NHS: variants seen among roughly 807,000 people sequenced by gnomAD.
NHS encodes the protein NHS actin remodeling regulator.
A neutral mutation model predicts 72.5 loss-of-function variants in NHS; 5 were observed. The observed-to-expected ratio is 0.07, with a 90% CI of 0.04 to 0.14. The LOEUF (loss-of-function observed/expected upper bound fraction) is 0.14, where lower values mean the gene tolerates loss of function less well. Among genes scored for constraint, NHS ranks in the 10% least tolerant of loss-of-function variants. The pLI, the probability that NHS is intolerant of heterozygous loss-of-function variation, is 1.00. For synonymous variants in NHS, 464 were observed against 547.7 expected, an observed-to-expected ratio of 0.85 and a Z score of 2.13; for missense variants, 1,072 against 1,355.7, an observed-to-expected ratio of 0.79 and a Z score of 3.29.
intron 1 of NHS, among the ~76,000 whole-genome samples, chrX:17,393,725 G>A (rs1758653219): frequency 9.0e-6 from 1 of 111,398 alleles, no homozygotes; most frequent in African/African-American, 3.3e-5. Context: ...GGAAAATCTA[G>A]GCAAGGCAGA....
In NHS at chrX:17,390,493, C is replaced by T. The variant is rs537036770; in HGVS notation, c.565+14171C>T. On this transcript the variant is annotated intron_variant, in intron 1 of 8. Transcript: ENST00000676302. The stretch of plus-strand genomic sequence containing the variant: ...TCATGAAGTGCAGCAGGAATAAATA[C>T]CACAGAAATCCTTTTCCATGTGAGA... Among the ~76,000 whole-genome samples, 82 of 106,159 alleles carry T rather than the reference C, an allele frequency of 7.7e-4. 1 individual carries two copies. In the South Asian group the frequency reaches 0.037, roughly 47 times the overall value. The allele number at this position is 106,159 out of a possible 115,157, so 92.2% of individuals were successfully genotyped here.
chrX:17,378,640 G>A (rs2064358753), intron 1 of NHS, among the ~76,000 whole-genome samples: 1 of 112,168 alleles, frequency 8.9e-6, no homozygotes, highest in African/African-American at 3.2e-5. Context: ...AGTGAGACAG[G>A]AAAGGGAGGA....
rs767581572 is a variant in NHS at position 17,467,831 on chromosome X, T to C, written c.565+91509T>C. The stretch of plus-strand genomic sequence containing the variant: ...GTAGGTGAAACTGGGATAAAACATT[T>C]TTTAAAAGACATTATATAATTGATA... On this transcript the variant is annotated intron_variant, in intron 1 of 8. Coordinates refer to ENST00000676302, the MANE Select transcript of NHS (RefSeq NM_001291867.2). Among the ~76,000 whole-genome samples the C allele has an allele frequency of 8.9e-5, 10 of 111,847 alleles. No homozygotes were observed. The South Asian group carries it at 3.8e-3, about 42-fold the overall frequency.
chrX:17,494,076 CTTTT>C (rs749475125), intron 1 of NHS, among the ~76,000 whole-genome samples: 4 of 73,321 alleles, frequency 5.5e-5, no homozygotes, highest in Non-Finnish European at 7.6e-5. Context: ...TCCTGGATGA[CTTTT>C]TTTTTTTTTT....
chrX:17,417,091 T>C (rs761724539), intron 1 of NHS, among the ~76,000 whole-genome samples: 2 of 97,996 alleles, frequency 2.0e-5, no homozygotes, highest in Admixed American at 2.2e-4. Context: ...GAAAACAGAA[T>C]ACACACACAC....
intron 1 of NHS, among the ~76,000 whole-genome samples, chrX:17,449,435 A>G (rs1305619037): frequency 8.9e-6 from 1 of 112,299 alleles, no homozygotes; most frequent in Non-Finnish European, 1.9e-5. Context: ...AAACCAAGCA[A>G]AGTCCTCCTC....
rs201078044 is a variant in NHS, at chrX:17,380,378, C to CTT, written c.565+4070_565+4071dup. On this transcript the variant is annotated intron_variant, in intron 1 of 8. Coordinates refer to ENST00000676302, the MANE Select transcript of NHS (RefSeq NM_001291867.2). ...GAGAGGAAATAGCAACTACAGAGAG[C>CTT]TTTTTTTTTTTTTTTCACTCTATCA... Among the ~76,000 whole-genome samples the CTT allele has an allele frequency of 2.7e-3, 256 of 94,515 alleles. 3 individuals carry two copies. The highest frequency in any genetic ancestry group is 9.2e-3 in the African/African-American group (237 of 25,626). The allele number at this position is 94,515 out of a possible 115,157, so 82.1% of individuals were successfully genotyped here.
At chrX:17,632,619 G>A (rs1027505027) in intron 1 of NHS, among the ~76,000 whole-genome samples, 1 of 109,745 alleles carries the variant, frequency 9.1e-6, no homozygotes, top group East Asian at 2.9e-4. Flanking sequence ...AAAAAAAAAC[G>A]AAGACCCCGG....
intron 1 of NHS, among the ~76,000 whole-genome samples, chrX:17,587,559 C>A (rs2065581848): frequency 8.9e-6 from 1 of 112,209 alleles, no homozygotes; most frequent in Non-Finnish European, 1.9e-5. Flanking sequence ...GCTAATTACG[C>A]AATTGTGCGA....
At chrX:17,560,815 G>C (rs2065408498) in intron 1 of NHS, among the ~76,000 whole-genome samples, 1 of 112,370 alleles carries the variant, frequency 8.9e-6, no homozygotes, top group African/African-American at 3.2e-5. Flanking sequence ...AGTTTAAGTT[G>C]TTCCTCAACA....
At chrX:17,652,078 C>G (rs191085660) in intron 1 of NHS, among the ~76,000 whole-genome samples, 153 of 112,491 alleles carry the variant, frequency 1.4e-3, no homozygotes, top group African/African-American at 4.6e-3. Flanking sequence ...TGCTTTTGAG[C>G]TACAACAGCA....
intron 1 of NHS, among the ~76,000 whole-genome samples, chrX:17,583,095 C>T (rs754228424): frequency 1.8e-5 from 2 of 112,060 alleles, no homozygotes; most frequent in African/African-American, 6.5e-5. Context: ...AACATTCCAC[C>T]AGGCTGTTTC....
chrX:17,544,602 C>G (rs1774350782), intron 1 of NHS, among the ~76,000 whole-genome samples: 1 of 111,949 alleles, frequency 8.9e-6, no homozygotes, highest in Non-Finnish European at 1.9e-5. Flanking sequence ...ACCTCTGCCT[C>G]CCGGGTTCAA....
At chrX:17,566,867 A>G (rs1289017404) in intron 1 of NHS, among the ~76,000 whole-genome samples, 6 of 111,077 alleles carry the variant, frequency 5.4e-5, no homozygotes, top group African/African-American at 2.0e-4. Context: ...CATTCAGGGC[A>G]GGCTTCTGTC....
At chrX:17,564,742 A>C (rs1317627894) in intron 1 of NHS, among the ~76,000 whole-genome samples, 2 of 112,039 alleles carry the variant, frequency 1.8e-5, no homozygotes, top group African/African-American at 6.5e-5. Flanking sequence ...GCAATTTCAT[A>C]GATTTAATGG....
chrX:17,429,241 T>TGTGTGC (rs1555987949), intron 1 of NHS, among the ~76,000 whole-genome samples: 6 of 107,770 alleles, frequency 5.6e-5, no homozygotes, highest in Non-Finnish European at 9.4e-5. Flanking sequence ...TGTGTGTGTG[T>TGTGTGC]GTGTGTGTGT....
In NHS at chrX:17,375,938, G is replaced by A. The variant is rs1366527238; in HGVS notation, c.181G>A (p.Val61Ile). Residue 61 changes from valine (V) to isoleucine (I), a missense_variant, in exon 1 of 9, where the codon GTC becomes ATC. By Grantham distance (29) the Val-to-Ile change is conservative. Transcript: ENST00000676302. ...AGGGCCAGAGGAGCCAGCCCGCGCC[G>A]TCCCTGCACCTTCAGGGCTGCCACC... is the stretch of plus-strand genomic sequence containing the variant. ...APGPEEPARA[V>I]PAPSGLPPPP... The A allele has an allele frequency of 2.8e-6, 3 of 1,083,079 alleles. No individual in the cohort carries two copies. Among genetic ancestry groups the A allele is most frequent in the Non-Finnish European group, 3.6e-6 (3 of 838,725 alleles). The allele number at this position is 1,083,079 out of a possible 1,213,427, so 89.3% of individuals were successfully genotyped here.
chrX:17,718,717 GGA>G (rs2066383152), intron 3 of NHS, among the ~76,000 whole-genome samples: 1 of 95,404 alleles, frequency 1.0e-5, no homozygotes, highest in Middle Eastern at 6.3e-3. Context: ...AGGCAAGGAG[GGA>G]GAGAGGGAAG....
intron 1 of NHS, among the ~76,000 whole-genome samples, chrX:17,567,177 T>C (rs2065448594): frequency 8.9e-6 from 1 of 112,178 alleles, no homozygotes. Flanking sequence ...TACATCCCAA[T>C]TGGGCCCATG....
Sources: allele counts gnomAD v4.1 joint callset (sites outside exome capture counted in the v4.1 genomes callset), GRCh38; gene constraint gnomAD v4.1.1; transcripts MANE v1.5; gene names NCBI Gene and HGNC (gene_info 2026-07-23, HGNC 2026-07-21).